The following SRGAP2C variants were observed in gnomAD, a reference collection of about 807,000 sequenced individuals.
The protein encoded by SRGAP2C is SLIT-ROBO Rho GTPase-activating protein 2C.
In SRGAP2C, 15 loss-of-function variants were observed where a neutral mutation model predicts 25.1. The observed-to-expected ratio is 0.60, with a 90% CI of 0.40 to 0.92. The LOEUF is 0.92. Among genes scored for constraint, SRGAP2C ranks in the 40% least tolerant of loss-of-function variants. SRGAP2C has a pLI of 0.00. For synonymous variants in SRGAP2C, 44 were observed against 96.6 expected (o/e 0.46, Z 3.19); for missense variants, 144 against 264.4 (o/e 0.54, Z 3.16).
At chr1:121,308,656 G>A (rs1657905734) in intron 3 of SRGAP2C, among the ~76,000 whole-genome samples, 1 of 151,922 alleles carries the variant, frequency 6.6e-6, no homozygotes, top group Non-Finnish European at 1.5e-5. Flanking sequence ...AAAAAAGTAT[G>A]GGCCGGGTGC....
chr1:121,216,284 G>T (rs2101434158), intron 2 of SRGAP2C, among the ~76,000 whole-genome samples: 1 of 152,154 alleles, frequency 6.6e-6, no homozygotes, highest in East Asian at 2.0e-4. Flanking sequence ...TTTTGCAGAG[G>T]TGACAGTCCA....
chr1:121,335,901 C>T (rs1658505341), intron 4 of SRGAP2C, among the ~76,000 whole-genome samples: 1 of 151,998 alleles, frequency 6.6e-6, no homozygotes, highest in Non-Finnish European at 1.5e-5. Flanking sequence ...TCTAGATGTA[C>T]TTATCTTCCT....
At chr1:121,266,526 G>C (rs587766051) in intron 2 of SRGAP2C, among the ~76,000 whole-genome samples, 97 of 151,052 alleles carry the variant, frequency 6.4e-4, no homozygotes, top group African/African-American at 2.2e-3. Context: ...TAAGGTTGTT[G>C]ATTTTTTAAA....
At chr1:121,386,071 A>C (rs1659954319) in intron 8 of SRGAP2C, among the ~76,000 whole-genome samples, 1 of 86,292 alleles carries the variant, frequency 1.2e-5, no homozygotes, top group Non-Finnish European at 2.3e-5. Context: ...GCTGGCTGCC[A>C]GCAGTGGCAA....
At chr1:121,303,443 G>A (rs1283016926) in intron 3 of SRGAP2C, among the ~76,000 whole-genome samples, 1 of 152,060 alleles carries the variant, frequency 6.6e-6, no homozygotes, top group Non-Finnish European at 1.5e-5. Flanking sequence ...CGTTCTTTGA[G>A]CACTTCCTTA....
At chr1:121,270,172 A>G (rs1656907483) in intron 2 of SRGAP2C, among the ~76,000 whole-genome samples, 1 of 147,426 alleles carries the variant, frequency 6.8e-6, no homozygotes, top group Admixed American at 6.8e-5. Context: ...CAAGTTGCAG[A>G]GGAAGAGAGA....
chr1:121,222,729 T>A (rs1189227901), intron 2 of SRGAP2C, among the ~76,000 whole-genome samples: 20 of 152,212 alleles, frequency 1.3e-4, no homozygotes, highest in Non-Finnish European at 2.8e-4. Context: ...TAGGTACTAG[T>A]GGAGGACCAC....
intron 3 of SRGAP2C, among the ~76,000 whole-genome samples, chr1:121,296,286 G>A (rs2101580661): frequency 6.6e-6 from 1 of 151,964 alleles, no homozygotes; most frequent in East Asian, 1.9e-4. Context: ...TTGAAACTGT[G>A]GAAATATTTG....
At chr1:121,229,036 C>T (rs1655752700) in intron 2 of SRGAP2C, among the ~76,000 whole-genome samples, 3 of 148,804 alleles carry the variant, frequency 2.0e-5, no homozygotes, top group East Asian at 2.0e-4. Context: ...TGTTCTCCTT[C>T]ACATTGAGGG....
At position 121,392,113 on chromosome 1, in the gene SRGAP2C, G is replaced by A. The variant is rs1553358187; in HGVS notation, c.*4258G>A. The A allele has an allele frequency of 3.3e-5, 5 of 152,124 alleles. No individual in the cohort carries two copies. The highest frequency in any genetic ancestry group is 7.4e-5 in the Non-Finnish European group (5 of 68,000). The allele number at this position is 152,124 out of a possible 1,614,324, so 9.4% of individuals were successfully genotyped here. On this transcript the variant is annotated 3_prime_UTR_variant, in exon 10 of 10. Transcript: ENST00000367123. Reference sequence around the variant, plus strand: ...ACACAGAGGAAGCCATGAACTTGAAGAGAAGAAAATGGAAAATACTGTCTC... The same window carrying A: ...ACACAGAGGAAGCCATGAACTTGAAAAGAAGAAAATGGAAAATACTGTCTC...
At chr1:121,316,854 G>T (rs1351250202) in intron 3 of SRGAP2C, among the ~76,000 whole-genome samples, 18 of 144,694 alleles carry the variant, frequency 1.2e-4, no homozygotes, top group Non-Finnish European at 4.5e-5. Flanking sequence ...TTATATTGGG[G>T]TGGCATTGTA....
At chr1:121,385,683 G>A (rs1286028750) in intron 8 of SRGAP2C, among the ~76,000 whole-genome samples, 3 of 152,142 alleles carry the variant, frequency 2.0e-5, no homozygotes, top group Non-Finnish European at 4.4e-5. Flanking sequence ...GCTAAAGGAC[G>A]AACGGTAACA....
intron 4 of SRGAP2C, among the ~76,000 whole-genome samples, chr1:121,329,212 GA>G (rs1245870870): frequency 6.6e-6 from 1 of 151,404 alleles, no homozygotes; most frequent in Non-Finnish European, 1.5e-5. Flanking sequence ...CTTCGTCTCA[GA>G]AAAAAAGAAG....
intron 2 of SRGAP2C, among the ~76,000 whole-genome samples, chr1:121,277,375 GTTTT>G: frequency 6.6e-6 from 1 of 151,860 alleles, no homozygotes; most frequent in Middle Eastern, 3.4e-3. Flanking sequence ...AGGCAAAGTG[GTTTT>G]TTTGTTTGTT....
intron 5 of SRGAP2C, among the ~76,000 whole-genome samples, chr1:121,372,245 G>A (rs4845095): frequency 3.9e-5 from 6 of 152,256 alleles, no homozygotes; most frequent in South Asian, 4.1e-4. Context: ...TGATCGTAGG[G>A]CCTAGATTAG....
At chr1:121,283,835 G>T (rs1300865303) in intron 2 of SRGAP2C, among the ~76,000 whole-genome samples, 1 of 151,640 alleles carries the variant, frequency 6.6e-6, no homozygotes, top group Non-Finnish European at 1.5e-5. Context: ...GTGAGTGCCA[G>T]GTCTCTTGTC....
intron 2 of SRGAP2C, among the ~76,000 whole-genome samples, chr1:121,274,957 C>G (rs1553335875): frequency 6.7e-6 from 1 of 149,678 alleles, no homozygotes; most frequent in African/African-American, 2.5e-5. Flanking sequence ...GCCTCCTGAG[C>G]TTCATCTGCC....
intron 2 of SRGAP2C, among the ~76,000 whole-genome samples, chr1:121,261,123 T>TTTTTTTG (rs1656624670): frequency 2.4e-5 from 2 of 82,028 alleles, no homozygotes; most frequent in East Asian, 3.4e-4. Context: ...TTTTTTTTTT[T>TTTTTTTG]GTAGAGACAA....
chr1:121,275,762 C>T (rs1358495393), intron 2 of SRGAP2C, among the ~76,000 whole-genome samples: 2 of 140,790 alleles, frequency 1.4e-5, no homozygotes, highest in Non-Finnish European at 3.1e-5. Context: ...TTTTCTTCTT[C>T]TCTTTCCCAC....
Sources: allele counts gnomAD v4.1 joint callset (sites outside exome capture counted in the v4.1 genomes callset), GRCh38; gene constraint gnomAD v4.1.1; transcripts MANE v1.5; gene names NCBI Gene and HGNC (gene_info 2026-07-23, HGNC 2026-07-21).